The following DISP3 variants were observed in gnomAD, a reference collection of about 807,000 sequenced individuals.
The protein encoded by DISP3 is protein dispatched homolog 3.
Under a neutral mutation model 135.3 loss-of-function variants are expected in DISP3, and 101 were observed. The ratio of observed to expected loss-of-function variants is 0.75; its 90% CI spans 0.64 to 0.88. DISP3 has a LOEUF of 0.88. Ranked by LOEUF, DISP3 falls within the 40% of genes least tolerant of loss-of-function variation. The pLI is 0.00. For missense variants in DISP3, 1,713 were observed against 1,878.6 expected, an observed-to-expected ratio of 0.91 and a Z score of 1.63; for synonymous variants, 856 against 817.0, an observed-to-expected ratio of 1.05 and a Z score of -0.81.
intron 11 of DISP3, 93 bp from the exon 12 acceptor site, chr1:11,525,083 T>C: frequency 6.8e-7 from 1 of 1,477,206 alleles, no homozygotes; most frequent in South Asian, 1.2e-5. Flanking sequence ...ACTGAGCTCG[T>C]TAGTCGACAG....
chr1:11,490,254 G>T (rs541934575), intron 1 of DISP3, among the ~76,000 whole-genome samples: 20 of 151,130 alleles, frequency 1.3e-4, no homozygotes, highest in Non-Finnish European at 2.4e-4. Flanking sequence ...TGTTGCTGGG[G>T]TTTTTTGTTT....
At chr1:11,503,954 C>A (rs1258371857) in intron 3 of DISP3, among the ~76,000 whole-genome samples, 1 of 152,130 alleles carries the variant, frequency 6.6e-6, no homozygotes, top group Admixed American at 6.5e-5. Flanking sequence ...CCCAGGAGTA[C>A]AACTGGGTCC....
At position 11,531,653 on chromosome 1, in the gene DISP3, C is replaced by T. The variant is rs749918646; in HGVS notation, c.3318C>T (p.His1106=). 1.4e-5 allele frequency: 22 copies of T among 1,612,996 alleles called. No individual in the cohort carries two copies. In the Middle Eastern group the frequency reaches 5.1e-4, roughly 38 times the overall value. ...EPNLLPGQLS[H]GAVGVREGRV... ...ACCTGCTCCCGGGGCAGCTGTCCCA[C>T]GGGGCAGTGGGCGTCAGGGAGGGCC... Residue 1106 remains histidine, a synonymous_variant, in exon 17 of 21, where the codon CAC becomes CAT. Coordinates refer to ENST00000294484, the MANE Select transcript of DISP3 (RefSeq NM_020780.2). This position sits in a 1 kb window ranked among gnomAD's most constrained non-coding sequence, Gnocchi z 5.2.
At position 11,519,657 on chromosome 1, in the gene DISP3, C is replaced by T. The variant is rs573796259; in HGVS notation, c.2039-62C>T. The T allele has an allele frequency of 3.5e-5, 55 of 1,582,000 alleles. No individual in the cohort carries two copies. The highest frequency in any genetic ancestry group is 5.1e-5 in the Admixed American group (3 of 58,504). On this transcript the variant is annotated intron_variant, in intron 8 of 20. Transcript: ENST00000294484. The surrounding 1 kb of genome is among the most constrained non-coding windows in gnomAD (Gnocchi z 4.3). ...CCAGGCATCTGGGCTTCCCTGGAAG[C>T]GAGCGTGGACCACAGTGGGCTTTGA...
chr1:11,506,901 A>C (rs984863022), intron 3 of DISP3, among the ~76,000 whole-genome samples: 1 of 152,214 alleles, frequency 6.6e-6, no homozygotes, highest in African/African-American at 2.4e-5. Context: ...TCCTGGGCTC[A>C]GGTAATCCTC....
In DISP3 at chr1:11,501,116, G is replaced by A. The variant is rs201131357; in HGVS notation, c.124G>A (p.Gly42Arg). Reference protein sequence around the residue: ...QKPGPQPGAGGQCCWRHWPLA... With the variant: ...QKPGPQPGAGRQCCWRHWPLA... Reference sequence around the variant, plus strand: ...GCCAGGGCCCCAACCTGGGGCAGGGGGACAGTGTTGCTGGCGGCACTGGCC... The same window carrying A: ...GCCAGGGCCCCAACCTGGGGCAGGGAGACAGTGTTGCTGGCGGCACTGGCC... The change falls in exon 2 of 21, where the codon GGA (glycine) becomes AGA (arginine). Residue 42 changes from glycine to arginine, a missense_variant. Physicochemically the swap from Gly to Arg is moderately radical, Grantham distance 125 (BLOSUM62 -2). Coordinates refer to ENST00000294484, the MANE Select transcript of DISP3 (RefSeq NM_020780.2). This position sits in a 1 kb window ranked among gnomAD's most constrained non-coding sequence, Gnocchi z 4.9. The A allele has an allele frequency of 1.9e-4, 306 of 1,614,014 alleles. 1 individual carries two copies. The African/African-American group carries it at 3.3e-3, about 17-fold the overall frequency.
Position 11,502,869 on chromosome 1 carries a change from G to T in DISP3, c.1288G>T (p.Val430Leu), listed in dbSNP as rs1169708893. Residue 430 changes from valine (V) to leucine (L), a missense_variant, in exon 3 of 21, where the codon GTG (valine) becomes TTG (leucine). Around this residue, in one of 2 missense-constraint regions of DISP3, gnomAD observed 1,142 missense variants for 1,384.6 expected, o/e 0.82. Coordinates refer to ENST00000294484, the MANE Select transcript of DISP3 (RefSeq NM_020780.2). ...AKFQSFVVTY[V>L]AMLAKQSTSK... ...GTTTCAGAGCTTCGTGGTCACCTAC[G>T]TGGCCATGCTGGCCAAGCAGTCTAC... The T allele has an allele frequency of 6.2e-7, 1 of 1,613,808 alleles. No homozygotes were observed. The highest frequency in any genetic ancestry group is 1.3e-5 in the African/African-American group (1 of 74,950).
chr1:11,515,493 C>T lies in DISP3; in HGVS notation c.1578C>T (p.Ile526=), dbSNP rs1279733212. 3 of 1,606,494 alleles carry T rather than the reference C, an allele frequency of 1.9e-6. No individual in the cohort carries two copies. Among genetic ancestry groups the T allele is most frequent in the Non-Finnish European group, 2.6e-6 (3 of 1,176,222 alleles). The change falls in exon 5 of 21, where the codon ATC becomes ATT. Residue 526 remains isoleucine (I), a synonymous_variant. Coordinates refer to ENST00000294484, the MANE Select transcript of DISP3 (RefSeq NM_020780.2). ...TGAATGGGGTGGCCGCCTTCGTGAT[C>T]GTGGGCATTGGTGAGTCGCCTCTGT... is the stretch of plus-strand genomic sequence containing the variant. ...GILNGVAAFV[I]VGIGVDDVFV...
intron 3 of DISP3, among the ~76,000 whole-genome samples, chr1:11,510,906 C>G (rs946537765): frequency 6.6e-6 from 1 of 152,178 alleles, no homozygotes; most frequent in African/African-American, 2.4e-5. Context: ...GGGGAGGACT[C>G]AGAATCATGG....
intron 3 of DISP3, among the ~76,000 whole-genome samples, chr1:11,508,676 A>C (rs1350761730): frequency 6.6e-6 from 1 of 152,024 alleles, no homozygotes; most frequent in African/African-American, 2.4e-5. Context: ...GTAGGTGTAT[A>C]TATTTATGGG....
rs761194929 is a variant in DISP3, at chr1:11,536,407, G to A, written c.3900G>A (p.Thr1300=). 7.4e-6 allele frequency: 12 copies of A among 1,612,394 alleles called. No homozygotes were observed. The highest frequency in any genetic ancestry group is 3.3e-5 in the Admixed American group (2 of 60,002). ...GVAIVSSALT[T]VIATVPLFFC... ...CCATCGTCTCCAGTGCCCTCACCAC[G>A]GTCATCGCCACAGTGCCCCTCTTCT... The change falls in exon 21 of 21, where the codon ACG becomes ACA. Residue 1300 remains threonine, a synonymous_variant. Coordinates refer to ENST00000294484, the MANE Select transcript of DISP3 (RefSeq NM_020780.2). This position sits in a 1 kb window ranked among gnomAD's most constrained non-coding sequence, Gnocchi z 4.3.
At position 11,498,213 on chromosome 1, in the gene DISP3, C is replaced by T. The variant is rs115382169; in HGVS notation, c.-3-2777C>T. Among the ~76,000 whole-genome samples the T allele has an allele frequency of 3.5e-3, 535 of 152,310 alleles. 3 individuals carry two copies. Among genetic ancestry groups the T allele is most frequent in the African/African-American group, 0.012 (513 of 41,558 alleles). On this transcript the variant is annotated intron_variant, in intron 1 of 20. Coordinates refer to ENST00000294484, the MANE Select transcript of DISP3 (RefSeq NM_020780.2). ...TGTATAATAACTATCGTGCATTCCG[C>T]GGGTCAGGACAGGGCACAGGAGAGG... is the stretch of plus-strand genomic sequence containing the variant.
chr1:11,522,537 C>G (rs1642228390), intron 10 of DISP3, among the ~76,000 whole-genome samples: 1 of 150,354 alleles, frequency 6.7e-6, no homozygotes, highest in African/African-American at 2.5e-5. Context: ...AGGACCCAGC[C>G]AGAGCCCAGC....
At chr1:11,509,162 A>C (rs1641787472) in intron 3 of DISP3, among the ~76,000 whole-genome samples, 1 of 152,148 alleles carries the variant, frequency 6.6e-6, no homozygotes, top group Admixed American at 6.5e-5. Flanking sequence ...TGACCCGTGT[A>C]TAACTTAAAA....
chr1:11,507,537 A>G lies in DISP3; in HGVS notation c.1316+4640A>G, dbSNP rs149828939. Reference sequence around the variant, plus strand: ...TCTGCTGATCTGCAAGTGTCTGCCCAAAGCTCTGCTAGCTTATCTGACTCC... The same window carrying G: ...TCTGCTGATCTGCAAGTGTCTGCCCGAAGCTCTGCTAGCTTATCTGACTCC... On this transcript the variant is annotated intron_variant, in intron 3 of 20. Coordinates refer to ENST00000294484, the MANE Select transcript of DISP3 (RefSeq NM_020780.2). Among the ~76,000 whole-genome samples, 740 of 152,344 alleles carry G rather than the reference A, an allele frequency of 4.9e-3. 1 individual carries two copies. Among genetic ancestry groups the G allele is most frequent in the Middle Eastern group, 0.02 (6 of 294 alleles).
intron 3 of DISP3, among the ~76,000 whole-genome samples, chr1:11,513,385 T>C (rs569018984): frequency 1.3e-5 from 2 of 152,336 alleles, no homozygotes; most frequent in Admixed American, 6.5e-5. Flanking sequence ...TTTGCCTTTG[T>C]TTTTTAAATG....
intron 4 of DISP3, 56 bp downstream of exon 4, chr1:11,514,582 C>T: frequency 6.4e-7 from 1 of 1,560,496 alleles, no homozygotes; most frequent in Non-Finnish European, 8.8e-7. Context: ...TCCTGTCTGC[C>T]CAGAGCCTGC....
At chr1:11,521,949 G>A (rs1450546442) in intron 10 of DISP3, among the ~76,000 whole-genome samples, 4 of 152,132 alleles carry the variant, frequency 2.6e-5, no homozygotes, top group African/African-American at 7.2e-5. Flanking sequence ...CTAGGGCACT[G>A]GGGTGGAAGC....
intron 17 of DISP3, chr1:11,533,832 G>A (rs757667762): frequency 7.0e-6 from 5 of 717,858 alleles, no homozygotes; most frequent in Non-Finnish European, 1.3e-5. Flanking sequence ...AGCAGGGTGA[G>A]TGCCTATTTC....
Sources: allele counts gnomAD v4.1 joint callset (sites outside exome capture counted in the v4.1 genomes callset), GRCh38; gene constraint gnomAD v4.1.1; regional missense constraint gnomAD v4.1.1; non-coding constraint Gnocchi (gnomAD v3.1); transcripts MANE v1.5; gene names NCBI Gene and HGNC (gene_info 2026-07-23, HGNC 2026-07-21).